ANAPC15: variants seen among roughly 807,000 people sequenced by gnomAD.
ANAPC15 encodes anaphase-promoting complex subunit 15.
A neutral mutation model predicts 19.8 loss-of-function variants in ANAPC15; 13 were observed. The ratio of observed to expected loss-of-function variants is 0.66; its 90% CI spans 0.43 to 1.04. The LOEUF (loss-of-function observed/expected upper bound fraction) is 1.04. ANAPC15 is among the 50% of genes least tolerant of loss of function. ANAPC15 has a pLI of 0.00. For missense variants in ANAPC15, 88 were observed against 150.3 expected, an observed-to-expected ratio of 0.59 and a Z score of 2.17; for synonymous variants, 45 against 50.7, an observed-to-expected ratio of 0.89 and a Z score of 0.47.
chr11:72,107,086 C>T (rs150946202), downstream of ANAPC15: 526 of 256,288 alleles, frequency 2.1e-3, 2 homozygotes, highest in East Asian at 0.02. Flanking sequence ...GGTAACAAAG[C>T]AAGACCCCCG....
At chr11:72,111,366 G>T in intron 2 of ANAPC15, 46 bp downstream of exon 2, 2 of 1,139,406 alleles carry the variant, frequency 1.8e-6, no homozygotes, top group Non-Finnish European at 2.6e-6. Flanking sequence ...GGGATAGGGT[G>T]GAAGACAGCA....
At chr11:72,108,392 G>C (rs1945943084), downstream of ANAPC15, among the ~76,000 whole-genome samples, 1 of 152,204 alleles carries the variant, frequency 6.6e-6, no homozygotes, top group African/African-American at 2.4e-5. Context: ...ACGTGACCTT[G>C]AGCAAAGCAT....
rs1322876580 is a variant in ANAPC15 at position 72,111,255 on chromosome 11, G to A, written c.22C>T (p.Leu8Phe). 2 of 1,613,764 alleles carry A rather than the reference G, an allele frequency of 1.2e-6. No homozygotes were observed. Among genetic ancestry groups the A allele is most frequent in the African/African-American group, 1.3e-5 (1 of 74,942 alleles). Residue 8 changes from leucine (L) to phenylalanine (F), a missense_variant, in exon 3 of 6, where the codon CTC (leucine) becomes TTC (phenylalanine). Leu to Phe is a conservative substitution (Grantham distance 22, BLOSUM62 0). Transcript: ENST00000227618. ...AGAGTCTCAGTCACACGAGGGAAGA[G>A]TGAGGGGAACAAAGTGGACATGGCT... Reference protein sequence around the residue: MSTLFPSLFPRVTETLWF... With the variant: MSTLFPSFFPRVTETLWF...
At chr11:72,107,382 AG>A (rs1945787440), downstream of ANAPC15, 2 of 682,448 alleles carry the variant, frequency 2.9e-6, no homozygotes, top group Admixed American at 2.1e-5. Flanking sequence ...TCTGAAAGAT[AG>A]GGTGGTTGTT....
chr11:72,110,340 C>G (rs1439389499), intron 4 of ANAPC15, 115 bp from the exon 5 acceptor site: 4 of 1,575,190 alleles, frequency 2.5e-6, no homozygotes, highest in Non-Finnish European at 3.4e-6. Context: ...CCGACACTCC[C>G]TCCTTGAGTC....
intron 4 of ANAPC15, 40 bp downstream of exon 4, chr11:72,110,504 T>C: frequency 6.2e-7 from 1 of 1,612,358 alleles, no homozygotes; most frequent in African/African-American, 1.3e-5. Context: ...CTCGGTCCAC[T>C]GCGGCCCCCA....
chr11:72,111,388 C>T, intron 2 of ANAPC15, 24 bp downstream of exon 2: 1 of 881,470 alleles, frequency 1.1e-6, no homozygotes, highest in South Asian at 1.5e-5. Flanking sequence ...GAAAGCAGCC[C>T]CTCCCCCTAG....
intron 3 of ANAPC15, 36 bp downstream of exon 3, chr11:72,111,120 TG>T: frequency 7.4e-7 from 1 of 1,347,102 alleles, no homozygotes; most frequent in Non-Finnish European, 1.0e-6. Context: ...TCTCTGTCTG[TG>T]CTGAGGTCTC....
At chr11:72,112,586 T>A (rs1947312318) in intron 1 of ANAPC15, 64 bp downstream of exon 1, 1 of 443,774 alleles carries the variant, frequency 2.3e-6, no homozygotes, top group Non-Finnish European at 4.5e-6. Flanking sequence ...AGGAAATGGG[T>A]TTCTCTGGGG....
At chr11:72,108,539 T>C (rs893886104), downstream of ANAPC15, 10 of 1,378,390 alleles carry the variant, frequency 7.3e-6, no homozygotes, top group African/African-American at 2.9e-5. Flanking sequence ...AGCCAGATCC[T>C]GGTGGGGTCT....
chr11:72,110,901 G>A (rs1946677126), intron 3 of ANAPC15: 2 of 575,660 alleles, frequency 3.5e-6, no homozygotes, highest in Middle Eastern at 4.6e-4. Context: ...ATTATTTCCT[G>A]TGCTTTAGGG....
At chr11:72,106,890 G>C (rs1433344850), downstream of ANAPC15, 5 of 150,884 alleles carry the variant, frequency 3.3e-5, no homozygotes, top group Non-Finnish European at 7.3e-5. Flanking sequence ...GCAGTGAGCT[G>C]TGATTGTGCC....
downstream of ANAPC15, chr11:72,108,503 G>A: frequency 9.6e-7 from 1 of 1,041,588 alleles, no homozygotes; most frequent in Non-Finnish European, 1.3e-6. Context: ...CTCATGGGAA[G>A]CTAAGCCAGG....
intron 2 of ANAPC15, 50 bp downstream of exon 2, chr11:72,111,362 G>A: frequency 1.7e-6 from 2 of 1,195,634 alleles, no homozygotes; most frequent in Non-Finnish European, 2.5e-6. Flanking sequence ...TTTAGGGATA[G>A]GGTGGAAGAC....
chr11:72,110,858 C>T (rs1946653239), intron 3 of ANAPC15: 1 of 579,530 alleles, frequency 1.7e-6, no homozygotes, highest in Non-Finnish European at 3.0e-6. Flanking sequence ...GCCTAGAAAG[C>T]ATCATCTGCT....
rs772497729 is a variant in ANAPC15, at chr11:72,110,244, C to T, written c.181-19G>A. 6.2e-7 allele frequency: 1 copy of T among 1,612,128 alleles called. No homozygotes were observed. The highest frequency in any genetic ancestry group is 8.5e-7 in the Non-Finnish European group (1 of 1,179,988). On this transcript the variant is annotated intron_variant, in intron 4 of 5. Transcript: ENST00000227618. ...CATAGTGCTGGTGGGCAGGACAGAG[C>T]CTGTAAGCCCTACAGGCCTGCATGG... is the stretch of plus-strand genomic sequence containing the variant.
intron 4 of ANAPC15, 121 bp downstream of exon 4, chr11:72,110,423 G>T (rs987098150): frequency 9.8e-6 from 15 of 1,528,446 alleles, no homozygotes; most frequent in Middle Eastern, 1.7e-4. Flanking sequence ...TCCCCTTTTA[G>T]GCTTTTACCC....
downstream of ANAPC15, chr11:72,107,901 C>A (rs1164212382): frequency 1.3e-6 from 2 of 1,551,418 alleles, no homozygotes; most frequent in Non-Finnish European, 1.7e-6. Flanking sequence ...ATGTCTTCTG[C>A]AACAGCCATC....
chr11:72,109,938 A>C lies in ANAPC15; in HGVS notation c.319-10T>G. The C allele has an allele frequency of 6.2e-7, 1 of 1,613,738 alleles. No individual in the cohort carries two copies. Among genetic ancestry groups the C allele is most frequent in the Non-Finnish European group, 8.5e-7 (1 of 1,179,912 alleles). ...TGCCTTCCATGTCCACCTGGAGAGGAGGCTGGGTGTGGGTGGGGAGGGGCC... is the reference window on the plus strand; with the variant it reads ...TGCCTTCCATGTCCACCTGGAGAGGCGGCTGGGTGTGGGTGGGGAGGGGCC... On this transcript the variant is annotated splice_polypyrimidine_tract_variant and intron_variant, in intron 5 of 5. Transcript: ENST00000227618.
Sources: allele counts gnomAD v4.1 joint callset (sites outside exome capture counted in the v4.1 genomes callset), GRCh38; gene constraint gnomAD v4.1.1; transcripts MANE v1.5; gene names NCBI Gene and HGNC (gene_info 2026-07-23, HGNC 2026-07-21).